The following PRAG1 variants were observed in gnomAD, a reference collection of about 807,000 sequenced individuals.
PRAG1 encodes PEAK1 related, kinase-activating pseudokinase 1, also known as inactive tyrosine-protein kinase PRAG1.
In PRAG1, 110 loss-of-function variants were observed where a neutral mutation model predicts 95.6. That is an observed-to-expected ratio of 1.15 (90% CI 0.99 to 1.35). PRAG1 has a LOEUF of 1.35. Among genes scored for constraint, PRAG1 ranks in the 40% most tolerant of loss-of-function variants. PRAG1 has a pLI of 0.00. For synonymous variants in PRAG1, 1,052 were observed against 819.4 expected (o/e 1.28, Z -4.85); for missense variants, 2,554 against 1,864.7 (o/e 1.37, Z -6.81).
intron 5 of PRAG1, among the ~76,000 whole-genome samples, chr8:8,324,441 C>G (rs1016439421): frequency 6.6e-6 from 1 of 152,182 alleles, no homozygotes; most frequent in Non-Finnish European, 1.5e-5. Flanking sequence ...ACGGAGAAGG[C>G]TGCGTTGGGC....
intron 3 of PRAG1, among the ~76,000 whole-genome samples, chr8:8,365,321 G>T (rs1799963987): frequency 6.6e-6 from 1 of 152,022 alleles, no homozygotes; most frequent in African/African-American, 2.4e-5. Flanking sequence ...CCCAATCCTG[G>T]GCACTGAAAA....
chr8:8,347,156 C>T (rs1312175489), intron 3 of PRAG1, among the ~76,000 whole-genome samples: 1 of 152,168 alleles, frequency 6.6e-6, no homozygotes, highest in Non-Finnish European at 1.5e-5. Context: ...AACCTCTTAC[C>T]ATTCTAGACT....
intron 4 of PRAG1, among the ~76,000 whole-genome samples, chr8:8,336,916 C>G (rs1009695197): frequency 3.7e-4 from 12 of 32,832 alleles, no homozygotes; most frequent in African/African-American, 1.1e-3. Context: ...TTTCCCCCCT[C>G]CCCCCACCTC....
At chr8:8,344,142 G>T (rs1799258823) in intron 3 of PRAG1, among the ~76,000 whole-genome samples, 1 of 152,012 alleles carries the variant, frequency 6.6e-6, no homozygotes, top group South Asian at 2.1e-4. Context: ...CTACCATACT[G>T]TGCAGTACAG....
At chr8:8,367,186 A>T (rs1213555078) in intron 3 of PRAG1, among the ~76,000 whole-genome samples, 1 of 152,092 alleles carries the variant, frequency 6.6e-6, no homozygotes, top group African/African-American at 2.4e-5. Context: ...ATGCAGTCAT[A>T]AAATCTTACC....
chr8:8,356,372 G>A (rs773174612), intron 3 of PRAG1, among the ~76,000 whole-genome samples: 1 of 152,126 alleles, frequency 6.6e-6, no homozygotes, highest in Admixed American at 6.5e-5. Flanking sequence ...TTGAGACAGG[G>A]TCTCACTCTG....
chr8:8,366,483 T>C (rs1363600901), intron 3 of PRAG1, among the ~76,000 whole-genome samples: 1 of 151,974 alleles, frequency 6.6e-6, no homozygotes, highest in East Asian at 1.9e-4. Context: ...CTGGCTAATT[T>C]TTTTACTTTT....
intron 3 of PRAG1, among the ~76,000 whole-genome samples, chr8:8,370,434 T>A (rs1359300149): frequency 6.6e-6 from 1 of 152,226 alleles, no homozygotes; most frequent in African/African-American, 2.4e-5. Flanking sequence ...TATTTAAGTT[T>A]TGTCAAAATG....
At chr8:8,345,044 A>AGG (rs1174966275) in intron 3 of PRAG1, among the ~76,000 whole-genome samples, 15 of 102,746 alleles carry the variant, frequency 1.5e-4, no homozygotes, top group African/African-American at 5.0e-4. Context: ...AATTATCCGC[A>AGG]GGGTGTGTGT....
intron 3 of PRAG1, among the ~76,000 whole-genome samples, chr8:8,365,272 A>G (rs556051262): frequency 1.3e-5 from 2 of 152,270 alleles, no homozygotes; most frequent in East Asian, 3.9e-4. Flanking sequence ...TATCCCTCCC[A>G]AAGATTCTGA....
chr8:8,379,191 T>C (rs932805880), intron 2 of PRAG1, among the ~76,000 whole-genome samples: 14 of 152,184 alleles, frequency 9.2e-5, no homozygotes, highest in Admixed American at 5.2e-4. Flanking sequence ...CTTCTTTCTG[T>C]GCTTTGCTTC....
rs1338089311 is a variant in PRAG1 at position 8,328,302 on chromosome 8, G to A, written c.2480C>T (p.Ser827Leu). The A allele has an allele frequency of 6.2e-7, 1 of 1,613,946 alleles. No individual in the cohort carries two copies. ...QKKIVSRAAS[S>L]PDGFFWTQGS... ...TTGGGTCCAGAAGAAGCCATCCGGT[G>A]AAGAGGCTGCCCGGCTCACTATCTT... The change falls in exon 5 of 6, where the codon TCA (serine) becomes TTA (leucine). Residue 827 changes from serine to leucine, a missense_variant. Transcript: ENST00000615670.
chr8:8,338,422 C>T (rs2976852), intron 4 of PRAG1, among the ~76,000 whole-genome samples: 20,397 of 152,190 alleles, frequency 0.13, 1,636 homozygotes, highest in East Asian at 0.27. Flanking sequence ...AGCACAGGGG[C>T]TCGTGGTCGA....
At position 8,339,597 on chromosome 8, in the gene PRAG1, TC is replaced by T. The variant is rs1044187390; in HGVS notation, c.2200del (p.Glu734LysfsTer3). On this transcript the variant is annotated frameshift_variant, in exon 4 of 6. Coordinates refer to ENST00000615670, the MANE Select transcript of PRAG1 (RefSeq NM_001080826.3). LOFTEE classifies it high-confidence loss of function. ...LKMNKSSSDL[E>X]KVSQGSAESL... ...TTCTGCAGAGCCCTGGCTCACTTTTTCCAAATCAGAGCTGCTCTTGTTCATT... is the reference window on the plus strand; with the variant it reads ...TTCTGCAGAGCCCTGGCTCACTTTTTCAAATCAGAGCTGCTCTTGTTCATT... The T allele has an allele frequency of 6.2e-7, 1 of 1,613,828 alleles. No homozygotes were observed. Among genetic ancestry groups the T allele is most frequent in the African/African-American group, 1.3e-5 (1 of 74,930 alleles).
intron 5 of PRAG1, among the ~76,000 whole-genome samples, chr8:8,319,910 C>G (rs1798419763): frequency 6.6e-6 from 1 of 152,230 alleles, no homozygotes; most frequent in Non-Finnish European, 1.5e-5. Flanking sequence ...TTCACGCCCA[C>G]TAGAATGGGT....
chr8:8,374,859 C>T (rs1383006930), intron 3 of PRAG1: 1 of 182,518 alleles, frequency 5.5e-6, no homozygotes, highest in East Asian at 1.9e-4. Context: ...CTGACTGCTT[C>T]TCTCTGTGGT....
chr8:8,347,481 G>A (rs1799383591), intron 3 of PRAG1, among the ~76,000 whole-genome samples: 2 of 152,128 alleles, frequency 1.3e-5, no homozygotes, highest in South Asian at 4.1e-4. Context: ...ATTCAAATAT[G>A]CTCTAAAATA....
intron 3 of PRAG1, among the ~76,000 whole-genome samples, chr8:8,373,137 C>A (rs1370708116): frequency 6.6e-6 from 1 of 152,144 alleles, no homozygotes; most frequent in Non-Finnish European, 1.5e-5. Flanking sequence ...CCAGTGTGTA[C>A]TGGAATTGGT....
At chr8:8,369,220 T>C (rs1385163324) in intron 3 of PRAG1, among the ~76,000 whole-genome samples, 2 of 151,956 alleles carry the variant, frequency 1.3e-5, no homozygotes, top group East Asian at 3.9e-4. Flanking sequence ...AATTCAGTAA[T>C]TCTCCATTGA....
Sources: gnomAD v4.1 joint callset for allele counts (sites outside exome capture counted in the v4.1 genomes callset) on GRCh38, gnomAD v4.1.1 for gene constraint, MANE v1.5 for transcripts, NCBI Gene and HGNC (gene_info 2026-07-23, HGNC 2026-07-21) for gene names.